Variants in FGD6 observed in about 807,000 individuals in gnomAD.
FGD6 encodes FYVE, RhoGEF and PH domain containing 6.
Under a neutral mutation model 149.4 loss-of-function variants are expected in FGD6, and 90 were observed. The observed-to-expected ratio is 0.60, with a 90% CI of 0.51 to 0.72. The LOEUF (loss-of-function observed/expected upper bound fraction) is 0.72. Ranked by LOEUF, FGD6 falls within the 30% of genes least tolerant of loss-of-function variation. The probability of loss-of-function intolerance (pLI) is 0.00; values close to 1 mark genes in which losing one functional copy is unlikely to be tolerated. For missense variants in FGD6, 1,437 were observed against 1,684.8 expected (o/e 0.85, Z 2.57); for synonymous variants, 527 against 584.0 (o/e 0.90, Z 1.41).
At chr12:95,185,925 A>G (rs1376791062) in intron 2 of FGD6, among the ~76,000 whole-genome samples, 1 of 152,184 alleles carries the variant, frequency 6.6e-6, no homozygotes, top group Non-Finnish European at 1.5e-5. Context: ...GATAATGTGA[A>G]TATATCTGTT....
At chr12:95,139,828 G>C (rs1334814378) in intron 6 of FGD6, among the ~76,000 whole-genome samples, 3 of 152,040 alleles carry the variant, frequency 2.0e-5, no homozygotes, top group East Asian at 3.9e-4. Context: ...CTAGAGACGA[G>C]GTTTTGCCAT....
intron 2 of FGD6, among the ~76,000 whole-genome samples, chr12:95,205,066 G>A (rs1181763351): frequency 6.6e-6 from 1 of 152,066 alleles, no homozygotes; most frequent in Non-Finnish European, 1.5e-5. Context: ...CCAGGAGTTC[G>A]AGACTAGCCT....
At chr12:95,086,670 G>A (rs1463963313) in intron 18 of FGD6, among the ~76,000 whole-genome samples, 5 of 148,460 alleles carry the variant, frequency 3.4e-5, no homozygotes, top group Non-Finnish European at 1.5e-5. Context: ...CTCCCGAGTA[G>A]CTGGGACTAC....
chr12:95,127,598 T>TTAGCCTGTAC (rs1396669116), intron 8 of FGD6, among the ~76,000 whole-genome samples: 1 of 152,200 alleles, frequency 6.6e-6, no homozygotes, highest in Non-Finnish European at 1.5e-5. Context: ...TATGCGCTTG[T>TTAGCCTGTAC]TAGCCTGTAC....
At chr12:95,160,760 A>T (rs1880614951) in intron 3 of FGD6, among the ~76,000 whole-genome samples, 1 of 152,188 alleles carries the variant, frequency 6.6e-6, no homozygotes, top group Non-Finnish European at 1.5e-5. Flanking sequence ...CCTGTGTGGG[A>T]GGCTGAGGCA....
At chr12:95,101,239 C>T (rs1349498213) in intron 14 of FGD6, among the ~76,000 whole-genome samples, 1 of 151,716 alleles carries the variant, frequency 6.6e-6, no homozygotes, top group Non-Finnish European at 1.5e-5. Context: ...CCCAGTGACT[C>T]GGAAGGCTAG....
rs79899129 is a variant in FGD6, at chr12:95,147,115, C to T, written c.2686-5576G>A. ...CAGACATGGAGCCCTACAAGGTTCC[C>T]TGTCCTCATGAAGGACACCAGGAAT... On this transcript the variant is annotated intron_variant, in intron 5 of 20. Coordinates refer to ENST00000343958, the MANE Select transcript of FGD6 (RefSeq NM_018351.4). 4.3e-3 allele frequency among the ~76,000 whole-genome samples: 662 copies of T among 152,268 alleles called. 7 individuals are homozygous for T. Among genetic ancestry groups the T allele is most frequent in the African/African-American group, 0.015 (623 of 41,548 alleles).
chr12:95,166,110 T>G (rs1007074189), intron 3 of FGD6, among the ~76,000 whole-genome samples: 8 of 152,170 alleles, frequency 5.3e-5, no homozygotes, highest in African/African-American at 9.6e-5. Context: ...TTATTTTTTG[T>G]AGAGACAAGG....
intron 8 of FGD6, chr12:95,126,461 G>A: frequency 1.2e-6 from 1 of 824,264 alleles, no homozygotes; most frequent in Non-Finnish European, 1.8e-6. Flanking sequence ...AGCCATGGTG[G>A]CTCACGCCTG....
chr12:95,174,143 C>G (rs998873923), intron 2 of FGD6, among the ~76,000 whole-genome samples: 1 of 152,054 alleles, frequency 6.6e-6, no homozygotes, highest in African/African-American at 2.4e-5. Flanking sequence ...ACTCACTCCC[C>G]GGGGGTAAGT....
intron 2 of FGD6, 81 bp downstream of exon 2, chr12:95,208,762 C>T (rs1373615529): frequency 9.7e-6 from 14 of 1,449,606 alleles, no homozygotes; most frequent in East Asian, 4.7e-5. Context: ...TGTTTTTTTT[C>T]CCCCTGCATT....
intron 14 of FGD6, among the ~76,000 whole-genome samples, chr12:95,096,679 C>A (rs1197904749): frequency 6.6e-6 from 1 of 152,164 alleles, no homozygotes; most frequent in Non-Finnish European, 1.5e-5. Context: ...AACATCATCA[C>A]CCACCTTCAC....
chr12:95,179,763 T>C (rs918624229), intron 2 of FGD6, among the ~76,000 whole-genome samples: 2 of 151,876 alleles, frequency 1.3e-5, no homozygotes, highest in East Asian at 1.9e-4. Context: ...GTTAAATAAA[T>C]TGGGGTTATA....
chr12:95,098,185 T>C (rs577420257), intron 14 of FGD6, among the ~76,000 whole-genome samples: 27 of 152,156 alleles, frequency 1.8e-4, no homozygotes, highest in Admixed American at 5.2e-4. Flanking sequence ...TCCCAATTTC[T>C]CCCCTAAAGC....
intron 2 of FGD6, among the ~76,000 whole-genome samples, chr12:95,192,082 G>A (rs1204484529): frequency 6.6e-6 from 1 of 152,150 alleles, no homozygotes; most frequent in Non-Finnish European, 1.5e-5. Flanking sequence ...TAATATAAAT[G>A]CTACACAAAT....
Position 95,209,011 on chromosome 12 carries a change from G to A in FGD6, c.2273C>T (p.Pro758Leu). Reference protein sequence around the residue: ...YENIRHYEEIPEYENLPFIMA... With the variant: ...YENIRHYEEILEYENLPFIMA... ...AATAAATGGCAAGTTCTCGTACTCT[G>A]GTATTTCCTCATAATGGCGTATATT... The change falls in exon 2 of 21, where the codon CCA (proline) becomes CTA (leucine). Residue 758 changes from proline (P) to leucine (L), a missense_variant. Pro to Leu is a moderately conservative substitution (Grantham distance 98). Around this residue, in one of 2 missense-constraint regions of FGD6, gnomAD observed 1,055 missense variants for 1,146.0 expected, o/e 0.92. Transcript: ENST00000343958. 1 of 1,614,068 alleles carries A rather than the reference G, an allele frequency of 6.2e-7. No homozygotes were observed. The highest frequency in any genetic ancestry group is 8.5e-7 in the Non-Finnish European group (1 of 1,180,018).
chr12:95,124,514 A>C (rs1592842398), intron 8 of FGD6, among the ~76,000 whole-genome samples: 1 of 152,306 alleles, frequency 6.6e-6, no homozygotes, highest in South Asian at 2.1e-4. Context: ...CATGATTCTG[A>C]CTAAAACTGT....
chr12:95,090,511 C>T (rs1250543365), intron 17 of FGD6, among the ~76,000 whole-genome samples: 1 of 151,958 alleles, frequency 6.6e-6, no homozygotes, highest in African/African-American at 2.4e-5. Context: ...GAAATCAAGA[C>T]AAAGATTTTT....
In FGD6 at chr12:95,206,317, T is replaced by TA. The variant is rs5800193; in HGVS notation, c.2441+2525dup. Among the ~76,000 whole-genome samples, 155 of 146,510 alleles carry TA rather than the reference T, an allele frequency of 1.1e-3. 2 individuals are homozygous for TA. The highest frequency in any genetic ancestry group is 3.5e-3 in the African/African-American group (140 of 40,272). On this transcript the variant is annotated intron_variant, in intron 2 of 20. Transcript: ENST00000343958. ...ACAAAAAAATATGCAAAAGCATGTT[T>TA]AAAAAAAAAAAGGATAGTACCAATA...
Sources: allele counts gnomAD v4.1 joint callset (sites outside exome capture counted in the v4.1 genomes callset), GRCh38; gene constraint gnomAD v4.1.1; regional missense constraint gnomAD v4.1.1; transcripts MANE v1.5; gene names NCBI Gene and HGNC (gene_info 2026-07-23, HGNC 2026-07-21).